Variants in DENND1B observed in about 807,000 individuals in gnomAD.
DENND1B encodes DENN domain-containing protein 1B.
In DENND1B, 59 loss-of-function variants were observed where a neutral mutation model predicts 90.1. That is an observed-to-expected ratio of 0.65 (90% CI 0.53 to 0.81). The LOEUF is 0.81. DENND1B is among the 40% of genes least tolerant of loss of function. DENND1B has a pLI of 0.00. For synonymous variants in DENND1B, 337 were observed against 324.6 expected (o/e 1.04, Z -0.41); for missense variants, 862 against 912.6 (o/e 0.94, Z 0.71).
chr1:197,724,790 G>A (rs953530082), intron 2 of DENND1B, among the ~76,000 whole-genome samples: 1 of 151,724 alleles, frequency 6.6e-6, no homozygotes, highest in Non-Finnish European at 1.5e-5. Flanking sequence ...TTGAAAACTA[G>A]AACTTTTAAA....
At chr1:197,513,257 G>T (rs946774929) in intron 20 of DENND1B, among the ~76,000 whole-genome samples, 8 of 150,678 alleles carry the variant, frequency 5.3e-5, no homozygotes, top group Non-Finnish European at 1.2e-4. Context: ...AGGGATACTT[G>T]ACTTATACTC....
rs138810126 is a variant in DENND1B, at chr1:197,584,051, G to A, written c.1048-798C>T. On this transcript the variant is annotated intron_variant, in intron 14 of 22. Transcript: ENST00000620048. The stretch of plus-strand genomic sequence containing the variant: ...TTATGACAAAAATGAAAACACAGAT[G>A]AATAAAAATGATTCCTTCATTACAA... Among the ~76,000 whole-genome samples the A allele has an allele frequency of 2.9e-3, 441 of 151,778 alleles. 6 individuals are homozygous for A. The highest frequency in any genetic ancestry group is 0.01 in the African/African-American group (420 of 41,382).
At chr1:197,703,149 G>A (rs150739067) in intron 3 of DENND1B, among the ~76,000 whole-genome samples, 166 of 151,864 alleles carry the variant, frequency 1.1e-3, no homozygotes, top group African/African-American at 3.9e-3. Context: ...CACCAGGCCC[G>A]GCTAATTGTT....
At position 197,536,156 on chromosome 1, in the gene DENND1B, G is replaced by GATAT. The variant is rs573178312; in HGVS notation, c.1515+3807_1515+3808insATAT. Among the ~76,000 whole-genome samples, 36 of 48,638 alleles carry GATAT rather than the reference G, an allele frequency of 7.4e-4. No individual in the cohort carries two copies. The South Asian group carries it at 0.045, about 61-fold the overall frequency. The allele number at this position is 48,638 out of a possible 152,430, so 31.9% of individuals were successfully genotyped here. On this transcript the variant is annotated intron_variant, in intron 20 of 22. Coordinates refer to ENST00000620048, the MANE Select transcript of DENND1B (RefSeq NM_001195215.2). Reference sequence around the variant, plus strand: ...AGAGAGATTGAGAGAGAGAGAGAGAGAGATAGATGAGATGAGATGAGATGA... The same window carrying GATAT: ...AGAGAGATTGAGAGAGAGAGAGAGAGATATAGATAGATGAGATGAGATGAGATGA...
chr1:197,688,569 C>G (rs1230170350), intron 3 of DENND1B, among the ~76,000 whole-genome samples: 1 of 152,140 alleles, frequency 6.6e-6, no homozygotes, highest in East Asian at 1.9e-4. Context: ...CACAATGAGG[C>G]AAGGATAGTC....
chr1:197,598,440 TG>T (rs1675904808), intron 13 of DENND1B, among the ~76,000 whole-genome samples: 1 of 151,842 alleles, frequency 6.6e-6, no homozygotes, highest in Non-Finnish European at 1.5e-5. Context: ...TTTACATCAC[TG>T]GAGTAAATTA....
intron 6 of DENND1B, among the ~76,000 whole-genome samples, chr1:197,657,708 T>C (rs2125950882): frequency 6.6e-6 from 1 of 152,268 alleles, no homozygotes; most frequent in African/African-American, 2.4e-5. Context: ...CCTCAAAAAA[T>C]TAAATGCAGA....
Position 197,552,471 on chromosome 1 carries a change from C to T in DENND1B, c.1240+551G>A, listed in dbSNP as rs957068400. ...AATTATAACAGTATTTGAACATTTACACTAGAAGGATTAATTGTACTTATG... is the reference window on the plus strand; with the variant it reads ...AATTATAACAGTATTTGAACATTTATACTAGAAGGATTAATTGTACTTATG... On this transcript the variant is annotated intron_variant, in intron 16 of 22. Coordinates refer to ENST00000620048, the MANE Select transcript of DENND1B (RefSeq NM_001195215.2). 25 of 985,350 alleles carry T rather than the reference C, an allele frequency of 2.5e-5. No individual in the cohort carries two copies. The African/African-American group carries it at 4.0e-4, about 16-fold the overall frequency. 61.0% of individuals were successfully genotyped at this position (985,350 alleles called of 1,614,324 possible).
At chr1:197,645,836 A>G in intron 8 of DENND1B, 93 bp from the exon 9 acceptor site, 1 of 794,818 alleles carries the variant, frequency 1.3e-6, no homozygotes. Flanking sequence ...ATATTGAGTA[A>G]ATTAAAAAAT....
At position 197,729,874 on chromosome 1, in the gene DENND1B, T is replaced by C. The variant is rs1276906310; in HGVS notation, c.83-14800A>G. ...AGCACAAAAATCTTCAAGTACACAC[T>C]TCATTAGTCATCAGAGTTATAACTT... On this transcript the variant is annotated intron_variant, in intron 2 of 22. Transcript: ENST00000620048. 3.3e-5 allele frequency among the ~76,000 whole-genome samples: 5 copies of C among 152,288 alleles called. No individual in the cohort carries two copies. In the East Asian group the frequency reaches 9.6e-4, roughly 29 times the overall value.
At position 197,506,566 on chromosome 1, in the gene DENND1B, T is replaced by C. The variant is rs1306212557; in HGVS notation, c.*3894A>G. 2 of 151,472 alleles carry C rather than the reference T, an allele frequency of 1.3e-5. No homozygotes were observed. The highest frequency in any genetic ancestry group is 3.0e-5 in the Non-Finnish European group (2 of 67,594). 9.4% of individuals were successfully genotyped at this position (151,472 alleles called of 1,614,324 possible). A position where few individuals can be genotyped will look rare whatever the true frequency, so the allele number is the denominator to read the frequency against. On this transcript the variant is annotated 3_prime_UTR_variant, in exon 23 of 23. Transcript: ENST00000620048. ...ATCAGTCTTTTCCTGAAAATCCACA[T>C]TTTCTACAAGAGAATGAAGGTCTAT... is the stretch of plus-strand genomic sequence containing the variant.
chr1:197,759,766 A>AAG, intron 2 of DENND1B, among the ~76,000 whole-genome samples: 1 of 150,148 alleles, frequency 6.7e-6, no homozygotes, highest in South Asian at 2.1e-4. Flanking sequence ...AAAAAAAAAA[A>AAG]GCATGCGGGA....
Position 197,511,840 on chromosome 1 carries a change from A to G in DENND1B, c.1703T>C (p.Leu568Pro). ...KTPYSGEMDLLGEILDTLSTH... is the reference protein window; with the variant it reads ...KTPYSGEMDLPGEILDTLSTH... ...GCTCAATGTATCAAGAATCTCTCCT[A>G]GTAAGTCCATTTCACCTGAGTAAGG... Residue 568 changes from leucine to proline, a missense_variant, in exon 22 of 23, where the codon CTA becomes CCA. By Grantham distance (98) the Leu-to-Pro change is moderately conservative (BLOSUM62 -3). Transcript: ENST00000620048. 6.2e-7 allele frequency: 1 copy of G among 1,611,534 alleles called. No homozygotes were observed. Among genetic ancestry groups the G allele is most frequent in the Non-Finnish European group, 8.5e-7 (1 of 1,178,358 alleles).
chr1:197,701,941 A>G (rs1338324892), intron 3 of DENND1B, among the ~76,000 whole-genome samples: 1 of 152,204 alleles, frequency 6.6e-6, no homozygotes, highest in African/African-American at 2.4e-5. Context: ...TATTATACAC[A>G]GTATAACTAA....
At chr1:197,603,931 T>C (rs1274846738) in intron 13 of DENND1B, among the ~76,000 whole-genome samples, 1 of 151,336 alleles carries the variant, frequency 6.6e-6, no homozygotes, top group African/African-American at 2.4e-5. Flanking sequence ...TGGTTCTTTT[T>C]CTCACCCTTA....
chr1:197,720,558 TC>T (rs1661071884), intron 2 of DENND1B, among the ~76,000 whole-genome samples: 1 of 90,752 alleles, frequency 1.1e-5, no homozygotes, highest in Non-Finnish European at 2.1e-5. Flanking sequence ...AATTTTATAT[TC>T]AGCCTGATTA....
intron 2 of DENND1B, among the ~76,000 whole-genome samples, chr1:197,728,446 T>C (rs944052227): frequency 6.6e-6 from 1 of 152,190 alleles, no homozygotes; most frequent in Non-Finnish European, 1.5e-5. Flanking sequence ...ATTTTCCCAA[T>C]GACTTGATTA....
intron 5 of DENND1B, among the ~76,000 whole-genome samples, chr1:197,663,516 T>A (rs1034620344): frequency 6.6e-6 from 1 of 152,106 alleles, no homozygotes; most frequent in Non-Finnish European, 1.5e-5. Context: ...AGGGCATATT[T>A]TGTTTGGTCA....
intron 2 of DENND1B, among the ~76,000 whole-genome samples, chr1:197,767,678 T>C (rs964173803): frequency 6.6e-6 from 1 of 152,150 alleles, no homozygotes; most frequent in Non-Finnish European, 1.5e-5. Flanking sequence ...TCACTAAATA[T>C]GAAGATGCAA....
Sources: gnomAD v4.1 joint callset for allele counts (sites outside exome capture counted in the v4.1 genomes callset) on GRCh38, gnomAD v4.1.1 for gene constraint, MANE v1.5 for transcripts, NCBI Gene and HGNC (gene_info 2026-07-23, HGNC 2026-07-21) for gene names.